HLA-DRB1: variants seen among roughly 807,000 people sequenced by gnomAD.
The protein encoded by HLA-DRB1 is major histocompatibility complex, class II, DR beta 1.
A neutral mutation model predicts 27.9 loss-of-function variants in HLA-DRB1; 10 were observed. The observed-to-expected ratio is 0.36, with a 90% confidence interval of 0.22 to 0.61. The LOEUF is 0.61. Ranked by LOEUF, HLA-DRB1 falls within the 20% of genes least tolerant of loss-of-function variation. HLA-DRB1 has a pLI of 0.73. For synonymous variants in HLA-DRB1, 57 were observed against 126.7 expected, an observed-to-expected ratio of 0.45 and a Z score of 3.69; for missense variants, 118 against 306.3, an observed-to-expected ratio of 0.39 and a Z score of 4.59.
intron 1 of HLA-DRB1, among the ~76,000 whole-genome samples, chr6:32,584,595 C>A (rs186922906): frequency 1.6e-3 from 121 of 74,730 alleles, no homozygotes; most frequent in Middle Eastern, 8.6e-3. Context: ...TTCTCATCCC[C>A]AGGCTTTTGG....
At chr6:32,579,243 G>A (rs9269700) in intron 5 of HLA-DRB1, 139 bp from the exon 6 acceptor site, 531 of 194,516 alleles carry the variant, frequency 2.7e-3, no homozygotes, top group South Asian at 7.1e-3. Context: ...CAATAGTCCC[G>A]CAGAGCACAC....
At chr6:32,581,900 C>A in intron 2 of HLA-DRB1, 62 bp from the exon 3 acceptor site, 1 of 829,836 alleles carries the variant, frequency 1.2e-6, no homozygotes, top group Non-Finnish European at 1.9e-6. Context: ...CCTGGTTTGG[C>A]TGTGTGTCTG....
At position 32,588,694 on chromosome 6, in the gene HLA-DRB1, G is replaced by T. The variant is rs34069900; in HGVS notation, c.100+949C>A. 3.2e-5 allele frequency among the ~76,000 whole-genome samples: 2 copies of T among 63,224 alleles called. 1 individual carries two copies. Among genetic ancestry groups the T allele is most frequent in the East Asian group, 1.2e-3 (2 of 1,712 alleles). 41.5% of individuals were successfully genotyped at this position (63,224 alleles called of 152,430 possible). A position where few individuals can be genotyped will look rare whatever the true frequency, so the allele number is the denominator to read the frequency against. ...CTTGCCCATTGACTTTCAGCCCTAT[G>T]AGACGTGAACAATGTTCACATCATC... On this transcript the variant is annotated intron_variant, in intron 1 of 5. Transcript: ENST00000360004.
exon 6 of HLA-DRB1, chr6:32,578,932 G>T: frequency 2.1e-6 from 1 of 486,416 alleles, no homozygotes; most frequent in Admixed American, 3.5e-5. Context: ...CAGGAGCTGA[G>T]GAAGCCACAA....
intron 1 of HLA-DRB1, among the ~76,000 whole-genome samples, chr6:32,585,351 C>T (rs35931533): frequency 0.09 from 5,930 of 66,150 alleles, 484 homozygotes; most frequent in Middle Eastern, 0.13. Context: ...AATCAGAAAA[C>T]CTGAATAAAA....
intron 1 of HLA-DRB1, 133 bp from the exon 2 acceptor site, chr6:32,584,511 A>C: frequency 1.6e-6 from 1 of 622,996 alleles, no homozygotes; most frequent in African/African-American, 1.8e-5. Flanking sequence ...AACGCCCACC[A>C]CCTGCAGCCC....
chr6:32,586,949 A>C (rs9270104), intron 1 of HLA-DRB1, among the ~76,000 whole-genome samples: 8,120 of 76,174 alleles, frequency 0.11, 608 homozygotes, highest in Non-Finnish European at 0.13. Flanking sequence ...CTTTTTCACC[A>C]TCTTTATCAC....
chr6:32,588,685 C>A (rs1776892121), intron 1 of HLA-DRB1, among the ~76,000 whole-genome samples: 1 of 63,806 alleles, frequency 1.6e-5, no homozygotes. Flanking sequence ...CATTGACTTT[C>A]AGCCCTATGA....
chr6:32,584,193 T>G (rs17886918), exon 2 of HLA-DRB1: 371,016 of 912,980 alleles, frequency 0.41, 64,373 homozygotes, highest in East Asian at 0.53. Flanking sequence ...TGCTCCAGGA[T>G]GTCCTTCTGG....
At chr6:32,584,982 T>G (rs9270002) in intron 1 of HLA-DRB1, among the ~76,000 whole-genome samples, 1 of 42,996 alleles carries the variant, frequency 2.3e-5, no homozygotes, top group African/African-American at 9.2e-5. Context: ...AATAGAAGAT[T>G]CCCAGTTAAA....
At chr6:32,582,364 T>C (rs41293201) in intron 2 of HLA-DRB1, among the ~76,000 whole-genome samples, 22,133 of 97,152 alleles carry the variant, frequency 0.23, 4,073 homozygotes, top group African/African-American at 0.31. Context: ...TCCATTCCAC[T>C]GTGAGGGCAC....
chr6:32,589,430 A>G (rs28366209), intron 1 of HLA-DRB1, among the ~76,000 whole-genome samples: 13,058 of 62,058 alleles, frequency 0.21, 2,175 homozygotes, highest in Middle Eastern at 0.44. Flanking sequence ...AAAAGAAATG[A>G]TTTGTGCAAA....
intron 1 of HLA-DRB1, among the ~76,000 whole-genome samples, chr6:32,587,816 G>A (rs796523716): frequency 0.069 from 4,673 of 68,156 alleles, 293 homozygotes; most frequent in Middle Eastern, 0.11. Context: ...GTTAGTGTCT[G>A]TCTCCTCTAC....
At chr6:32,588,185 G>C (rs112240819) in intron 1 of HLA-DRB1, among the ~76,000 whole-genome samples, 26,593 of 135,054 alleles carry the variant, frequency 0.2, 1,499 homozygotes, top group African/African-American at 0.22. Context: ...CCTGGGCACA[G>C]TGTCTCACAT....
intron 1 of HLA-DRB1, among the ~76,000 whole-genome samples, chr6:32,586,561 T>C (rs1776428315): frequency 1.8e-5 from 1 of 56,088 alleles, no homozygotes; most frequent in Non-Finnish European, 3.6e-5. Context: ...GCCTGTGCCC[T>C]GTTCTTTTTT....
intron 5 of HLA-DRB1, among the ~76,000 whole-genome samples, chr6:32,579,464 T>C (rs9269711): frequency 0.53 from 27,952 of 52,352 alleles, 12,657 homozygotes; most frequent in Admixed American, 0.64. Flanking sequence ...GCGGCAGGGA[T>C]CCAAAGAGTG....
intron 1 of HLA-DRB1, among the ~76,000 whole-genome samples, chr6:32,585,894 T>C (rs200947130): frequency 0.027 from 3,383 of 125,982 alleles, no homozygotes; most frequent in South Asian, 0.043. Context: ...AACAGGATCA[T>C]TATTGAAATT....
At chr6:32,583,619 C>T (rs9269912) in intron 2 of HLA-DRB1, among the ~76,000 whole-genome samples, 1,087 of 47,514 alleles carry the variant, frequency 0.023, 74 homozygotes, top group Admixed American at 0.03. Flanking sequence ...AGAGATTACA[C>T]GAAGGGTGTA....
chr6:32,589,179 T>TGTAAGG (rs1776981938), intron 1 of HLA-DRB1, among the ~76,000 whole-genome samples: 1 of 59,018 alleles, frequency 1.7e-5, no homozygotes, highest in African/African-American at 6.9e-5. Flanking sequence ...CATCCTCACA[T>TGTAAGG]ATGAGGACTA....
Sources: allele counts gnomAD v4.1 joint callset (sites outside exome capture counted in the v4.1 genomes callset), GRCh38; gene constraint gnomAD v4.1.1; transcripts MANE v1.5; gene names NCBI Gene and HGNC (gene_info 2026-07-23, HGNC 2026-07-21).